Variants in ADAM32 observed in about 807,000 individuals in gnomAD.
The protein encoded by ADAM32 is ADAM metallopeptidase domain 32, also known as disintegrin and metalloproteinase domain-containing protein 32.
In ADAM32, 89 loss-of-function variants were observed where a neutral mutation model predicts 114.9. The observed-to-expected ratio is 0.77, with a 90% confidence interval of 0.65 to 0.92. The LOEUF (loss-of-function observed/expected upper bound fraction) is 0.92. Among genes scored for constraint, ADAM32 ranks in the 40% least tolerant of loss-of-function variants. The probability of loss-of-function intolerance (pLI) is 0.00; values close to 1 mark genes in which losing one functional copy is unlikely to be tolerated. For missense variants in ADAM32, 870 were observed against 932.8 expected (o/e 0.93, Z 0.88); for synonymous variants, 285 against 307.5 (o/e 0.93, Z 0.77).
At chr8:39,282,304 C>T (rs189346894) in intron 23 of ADAM32, among the ~76,000 whole-genome samples, 4 of 152,172 alleles carry the variant, frequency 2.6e-5, no homozygotes, top group African/African-American at 4.8e-5. Context: ...ACTTGCTTAA[C>T]GAATGAGTGG....
At chr8:39,186,770 T>C in intron 10 of ADAM32, 139 bp from the exon 11 acceptor site, 2 of 645,382 alleles carry the variant, frequency 3.1e-6, no homozygotes, top group Non-Finnish European at 4.8e-6. Flanking sequence ...GAGCTTCAGC[T>C]TCTCACCTGT....
At chr8:39,109,027 G>A (rs559238688) in intron 1 of ADAM32, among the ~76,000 whole-genome samples, 1 of 152,130 alleles carries the variant, frequency 6.6e-6, no homozygotes, top group Non-Finnish European at 1.5e-5. Flanking sequence ...TGTCACATTG[G>A]GGGTTAGGGA....
chr8:39,251,081 C>T (rs192815893), intron 17 of ADAM32, among the ~76,000 whole-genome samples: 33 of 151,808 alleles, frequency 2.2e-4, no homozygotes, highest in Non-Finnish European at 3.2e-4. Flanking sequence ...TATTCATGGA[C>T]GCTTACATTG....
intron 2 of ADAM32, among the ~76,000 whole-genome samples, chr8:39,127,138 G>A (rs1802165023): frequency 1.3e-5 from 2 of 152,004 alleles, no homozygotes; most frequent in African/African-American, 2.4e-5. Context: ...TTCTTTTTTT[G>A]TTGTATCTCT....
intron 16 of ADAM32, among the ~76,000 whole-genome samples, chr8:39,245,797 A>G (rs1364185231): frequency 6.6e-6 from 1 of 152,208 alleles, no homozygotes; most frequent in Non-Finnish European, 1.5e-5. Context: ...AAACTCTCTT[A>G]TTATTTAAAC....
chr8:39,229,899 T>C (rs1351654772), intron 14 of ADAM32, among the ~76,000 whole-genome samples: 1 of 152,170 alleles, frequency 6.6e-6, no homozygotes, highest in East Asian at 1.9e-4. Context: ...ATACATTCTA[T>C]TTAACAATGC....
At chr8:39,178,544 G>A (rs563161782) in intron 10 of ADAM32, among the ~76,000 whole-genome samples, 1 of 152,186 alleles carries the variant, frequency 6.6e-6, no homozygotes, top group African/African-American at 2.4e-5. Context: ...CCTCAGCCCA[G>A]TTCTGTGCCC....
intron 9 of ADAM32, chr8:39,167,507 T>A (rs1470896600): frequency 2.0e-5 from 3 of 152,192 alleles, no homozygotes; most frequent in Non-Finnish European, 4.4e-5. Context: ...TTTTGCTTAG[T>A]CTTGCTTTGG....
At chr8:39,145,426 AT>A in intron 3 of ADAM32, among the ~76,000 whole-genome samples, 1 of 152,320 alleles carries the variant, frequency 6.6e-6, no homozygotes, top group South Asian at 2.1e-4. Context: ...CAACCTTTTT[AT>A]ATAAGTAGTA....
At chr8:39,250,242 C>G (rs903850116) in intron 17 of ADAM32, among the ~76,000 whole-genome samples, 2 of 151,062 alleles carry the variant, frequency 1.3e-5, no homozygotes, top group African/African-American at 4.9e-5. Flanking sequence ...TCCCACAGTT[C>G]TTGGATATTC....
chr8:39,217,343 C>A (rs1808648521), intron 12 of ADAM32, among the ~76,000 whole-genome samples: 1 of 151,936 alleles, frequency 6.6e-6, no homozygotes, highest in African/African-American at 2.4e-5. Context: ...AGGTAGTTTT[C>A]TTTGGGTTAA....
Position 39,284,451 on chromosome 8 carries a change from A to C in ADAM32, c.2358-342A>C, listed in dbSNP as rs550868578. ...GAGTAATTGGCTGCAAGGTATGAAA[A>C]AAGGAAAATTAATGTGAACTTAAAT... On this transcript the variant is annotated intron_variant, in intron 24 of 24. Transcript: ENST00000379907. 2.0e-5 allele frequency among the ~76,000 whole-genome samples: 3 copies of C among 152,282 alleles called. No homozygotes were observed. In the East Asian group the frequency reaches 5.8e-4, roughly 29 times the overall value.
chr8:39,220,040 G>A (rs1387006650), intron 12 of ADAM32, among the ~76,000 whole-genome samples: 1 of 152,156 alleles, frequency 6.6e-6, no homozygotes, highest in East Asian at 1.9e-4. Flanking sequence ...AACACTGTCA[G>A]TGGGGTATTA....
chr8:39,214,596 T>C (rs1808442561), intron 12 of ADAM32, among the ~76,000 whole-genome samples: 1 of 152,184 alleles, frequency 6.6e-6, no homozygotes, highest in African/African-American at 2.4e-5. Flanking sequence ...TAATCCCTTG[T>C]TGGATGGGTA....
At chr8:39,189,111 C>T (rs1048793586) in intron 11 of ADAM32, among the ~76,000 whole-genome samples, 17 of 152,068 alleles carry the variant, frequency 1.1e-4, no homozygotes, top group African/African-American at 3.4e-4. Context: ...TTGAATTAGA[C>T]ACTTCACTTA....
In ADAM32 at chr8:39,118,142, A is replaced by G; in HGVS notation, c.115A>G (p.Asn39Asp). The change falls in exon 2 of 25, where the codon AAT becomes GAT. Residue 39 changes from asparagine to aspartate, a missense_variant. Coordinates refer to ENST00000379907, the MANE Select transcript of ADAM32 (RefSeq NM_145004.7). ...TCCAGAGAAAATCCAAACAAATACA[A>G]ATGACAGTTCAGAAATAGAATATGT... ...VIPEKIQTNT[N>D]DSSEIEYEQI... The G allele has an allele frequency of 6.7e-7, 1 of 1,485,020 alleles. No homozygotes were observed. Among genetic ancestry groups the G allele is most frequent in the South Asian group, 1.4e-5 (1 of 73,460 alleles). 92.0% of individuals were successfully genotyped at this position (1,485,020 alleles called of 1,614,324 possible).
At chr8:39,224,870 A>G (rs1436287411) in intron 14 of ADAM32, among the ~76,000 whole-genome samples, 1 of 152,154 alleles carries the variant, frequency 6.6e-6, no homozygotes. Flanking sequence ...GCAGAGAAAA[A>G]AATGGGAAAA....
intron 20 of ADAM32, among the ~76,000 whole-genome samples, chr8:39,271,866 C>T (rs1812752511): frequency 6.6e-6 from 1 of 151,662 alleles, no homozygotes; most frequent in Non-Finnish European, 1.5e-5. Flanking sequence ...ATAGTGAGAA[C>T]TGAAGTTATG....
chr8:39,128,162 T>C (rs901411112), intron 2 of ADAM32, among the ~76,000 whole-genome samples: 1 of 152,188 alleles, frequency 6.6e-6, no homozygotes, highest in Admixed American at 6.5e-5. Context: ...CTAAGGCTCT[T>C]TGTAGGTCTC....
Sources: gnomAD v4.1 joint callset for allele counts (sites outside exome capture counted in the v4.1 genomes callset) on GRCh38, gnomAD v4.1.1 for gene constraint, MANE v1.5 for transcripts, NCBI Gene and HGNC (gene_info 2026-07-23, HGNC 2026-07-21) for gene names.